NAV3: variants seen among roughly 807,000 people sequenced by gnomAD.
NAV3 encodes neuron navigator 3.
In NAV3, 87 loss-of-function variants were observed where a neutral mutation model predicts 244.7. The ratio of observed to expected loss-of-function variants is 0.36; its 90% confidence interval spans 0.30 to 0.42. NAV3 has a LOEUF of 0.42. NAV3 is among the 20% of genes least tolerant of loss of function. The pLI, the probability that NAV3 is intolerant of heterozygous loss-of-function variation, is 1.00. For synonymous variants in NAV3, 1,126 were observed against 1,042.2 expected, an observed-to-expected ratio of 1.08 and a Z score of -1.55; for missense variants, 2,663 against 2,893.3, an observed-to-expected ratio of 0.92 and a Z score of 1.83.
intron 9 of NAV3, among the ~76,000 whole-genome samples, chr12:78,037,718 A>G (rs1432171048): frequency 6.6e-6 from 1 of 152,038 alleles, no homozygotes; most frequent in East Asian, 1.9e-4. Flanking sequence ...TTTTTCACCT[A>G]CTCATTAAAG....
At chr12:77,758,640 A>T (rs987921144) in intron 2 of NAV3, among the ~76,000 whole-genome samples, 1 of 152,242 alleles carries the variant, frequency 6.6e-6, no homozygotes, top group South Asian at 2.1e-4. Flanking sequence ...GAGCCGTACA[A>T]AATATGTGTT....
At chr12:77,809,539 C>T (rs1178230967) in intron 2 of NAV3, among the ~76,000 whole-genome samples, 1 of 152,160 alleles carries the variant, frequency 6.6e-6, no homozygotes, top group Non-Finnish European at 1.5e-5. Flanking sequence ...AGTCAGGTAC[C>T]TCAGTTTTAA....
At chr12:78,137,115 C>A in intron 18 of NAV3, 62 bp from the exon 19 acceptor site, 1 of 1,451,856 alleles carries the variant, frequency 6.9e-7, no homozygotes, top group Non-Finnish European at 9.3e-7. Flanking sequence ...TACTTTCTAT[C>A]AACCTGCTAT....
At chr12:77,979,699 GAAAAAAAAAAAAGAAA>G (rs1249420762) in intron 5 of NAV3, among the ~76,000 whole-genome samples, 16 of 79,348 alleles carry the variant, frequency 2.0e-4, no homozygotes, top group Admixed American at 4.1e-4. Flanking sequence ...GATGTGAAAC[GAAAAAAAAAAAAGAAA>G]AAAAAAAAAA....
chr12:78,201,126 G>A (rs1397983745), intron 38 of NAV3, among the ~76,000 whole-genome samples: 10 of 132,856 alleles, frequency 7.5e-5, no homozygotes, highest in Admixed American at 4.2e-4. Flanking sequence ...AGGCTAGTGC[G>A]CAGTGGTAGA....
At chr12:77,629,097 G>A (rs956771173) in intron 2 of NAV3, among the ~76,000 whole-genome samples, 1 of 152,030 alleles carries the variant, frequency 6.6e-6, no homozygotes, top group Non-Finnish European at 1.5e-5. Flanking sequence ...TTTTTCAAAT[G>A]TTGTCTAATA....
intron 3 of NAV3, among the ~76,000 whole-genome samples, chr12:77,956,482 A>G (rs1263928103): frequency 1.3e-5 from 2 of 152,154 alleles, no homozygotes; most frequent in Non-Finnish European, 2.9e-5. Context: ...TCTTTGAGGT[A>G]TTATACCTGC....
intron 2 of NAV3, among the ~76,000 whole-genome samples, chr12:77,614,450 A>C (rs1214387170): frequency 6.6e-6 from 1 of 152,106 alleles, no homozygotes; most frequent in African/African-American, 2.4e-5. Context: ...CTATCCTTGC[A>C]AAAAGAAATT....
chr12:77,699,361 G>C (rs1308024635), intron 2 of NAV3, among the ~76,000 whole-genome samples: 2 of 152,086 alleles, frequency 1.3e-5, no homozygotes, highest in Non-Finnish European at 2.9e-5. Context: ...AAATCTTGTA[G>C]TTGTCAAATA....
chr12:77,678,322 GT>G (rs145260299), intron 2 of NAV3, among the ~76,000 whole-genome samples: 8 of 151,918 alleles, frequency 5.3e-5, no homozygotes, highest in African/African-American at 1.7e-4. Context: ...ATTGACTGTT[GT>G]TTTTTTTAAA....
chr12:77,740,947 G>A (rs1868317188), intron 2 of NAV3, among the ~76,000 whole-genome samples: 1 of 151,918 alleles, frequency 6.6e-6, no homozygotes, highest in African/African-American at 2.4e-5. Flanking sequence ...GTTCCCAAAC[G>A]CTGTGAGTAC....
chr12:78,037,290 G>T (rs1295550496), intron 9 of NAV3: 11 of 702,890 alleles, frequency 1.6e-5, no homozygotes, highest in Non-Finnish European at 2.9e-5. Context: ...AGAGGAGGGA[G>T]AAAGCTGTTT....
At chr12:77,683,336 T>TA (rs1874557721) in intron 2 of NAV3, among the ~76,000 whole-genome samples, 1 of 152,108 alleles carries the variant, frequency 6.6e-6, no homozygotes, top group East Asian at 1.9e-4. Context: ...TATAGTTTTA[T>TA]CTCTGGATAC....
intron 1 of NAV3, among the ~76,000 whole-genome samples, chr12:77,849,741 T>C (rs562530881): frequency 4.0e-4 from 61 of 152,266 alleles, no homozygotes; most frequent in Non-Finnish European, 8.1e-4. Flanking sequence ...ATGCTCAATC[T>C]ATATATCAGT....
chr12:77,855,812 T>G (rs1173750452), intron 1 of NAV3, among the ~76,000 whole-genome samples: 1 of 152,176 alleles, frequency 6.6e-6, no homozygotes, highest in Non-Finnish European at 1.5e-5. Context: ...GCCAGCACAT[T>G]GCAGATACGT....
intron 1 of NAV3, among the ~76,000 whole-genome samples, chr12:77,913,432 G>A (rs1886811835): frequency 6.6e-6 from 1 of 151,844 alleles, no homozygotes; most frequent in African/African-American, 2.4e-5. Context: ...CATAAACTAG[G>A]CGTTATTCTT....
At chr12:77,714,051 GCTT>G (rs1304278949) in intron 2 of NAV3, among the ~76,000 whole-genome samples, 2 of 151,736 alleles carry the variant, frequency 1.3e-5, no homozygotes, top group Non-Finnish European at 2.9e-5. Flanking sequence ...TATTTTCTTA[GCTT>G]CTTCTGGGAA....
At chr12:77,763,130 T>G (rs1485036633) in intron 2 of NAV3, among the ~76,000 whole-genome samples, 1 of 152,132 alleles carries the variant, frequency 6.6e-6, no homozygotes, top group Non-Finnish European at 1.5e-5. Flanking sequence ...ACTGTACCCC[T>G]GCCTTCTACA....
intron 13 of NAV3, 106 bp from the exon 14 acceptor site, chr12:78,117,921 A>G (rs1001263436): frequency 9.0e-7 from 1 of 1,113,270 alleles, no homozygotes; most frequent in Non-Finnish European, 1.2e-6. Context: ...AAATCAAAAT[A>G]GAATCTTTGG....
Sources: gnomAD v4.1 joint callset for allele counts (sites outside exome capture counted in the v4.1 genomes callset) on GRCh38, gnomAD v4.1.1 for gene constraint, MANE v1.5 for transcripts, NCBI Gene and HGNC (gene_info 2026-07-23, HGNC 2026-07-21) for gene names.